The following PAFAH1B1 variants were observed in gnomAD, a reference collection of about 807,000 sequenced individuals.
PAFAH1B1 encodes platelet activating factor acetylhydrolase 1b regulatory subunit 1, also known as platelet-activating factor acetylhydrolase IB subunit beta.
PAFAH1B1 carries 2 observed loss-of-function variants against 57.5 expected under a neutral mutation model. That is an observed-to-expected ratio of 0.03 (90% CI 0.01 to 0.11). The LOEUF (loss-of-function observed/expected upper bound fraction) is 0.11. Among genes scored for constraint, PAFAH1B1 ranks in the 10% least tolerant of loss-of-function variants. PAFAH1B1 has a pLI of 1.00. For missense variants in PAFAH1B1, 257 were observed against 512.0 expected (o/e 0.50, Z 4.81); for synonymous variants, 152 against 169.6 (o/e 0.90, Z 0.81).
chr17:2,645,794 C>T (rs1366609107), intron 2 of PAFAH1B1, among the ~76,000 whole-genome samples: 12 of 151,180 alleles, frequency 7.9e-5, no homozygotes, highest in Non-Finnish European at 1.3e-4. Flanking sequence ...TTAGTAGAGA[C>T]GGGGTTTCAT....
chr17:2,631,617 C>G (rs1224114229), intron 1 of PAFAH1B1, among the ~76,000 whole-genome samples: 1 of 152,148 alleles, frequency 6.6e-6, no homozygotes, highest in Non-Finnish European at 1.5e-5. Flanking sequence ...CCTTCAGCTT[C>G]TCTAGTGGGG....
intron 6 of PAFAH1B1, among the ~76,000 whole-genome samples, chr17:2,671,544 C>G (rs2069181660): frequency 1.5e-5 from 2 of 135,136 alleles, no homozygotes; most frequent in African/African-American, 5.4e-5. Context: ...CTAGCTGTAA[C>G]TTTAAAAAGA....
chr17:2,615,533 C>G (rs578144576), intron 1 of PAFAH1B1, among the ~76,000 whole-genome samples: 2 of 151,956 alleles, frequency 1.3e-5, no homozygotes, highest in African/African-American at 2.4e-5. Context: ...CTCTGCCGCC[C>G]GGGTTCAAGC....
Position 2,657,396 on chromosome 17 carries a change from C to A in PAFAH1B1, c.33-7976C>A, listed in dbSNP as rs534497211. ...AGTAGCTGGGATTACAGGTGTCCAC[C>A]GCCGTGCCCGGCTAATATTGTATTT... On this transcript the variant is annotated intron_variant, in intron 2 of 10. Transcript: ENST00000397195. Among the ~76,000 whole-genome samples, 357 of 152,248 alleles carry A rather than the reference C, an allele frequency of 2.3e-3. 9 individuals are homozygous for A. Among genetic ancestry groups the A allele is most frequent in the Non-Finnish European group, 3.7e-4 (25 of 68,000 alleles).
chr17:2,633,713 A>C (rs893335398), intron 1 of PAFAH1B1, among the ~76,000 whole-genome samples: 1 of 152,160 alleles, frequency 6.6e-6, no homozygotes, highest in Admixed American at 6.6e-5. Flanking sequence ...TGCTGAGTAC[A>C]ACAGACCCAT....
chr17:2,663,399 T>C (rs1036298054), intron 2 of PAFAH1B1, among the ~76,000 whole-genome samples: 1 of 152,072 alleles, frequency 6.6e-6, no homozygotes, highest in Non-Finnish European at 1.5e-5. Context: ...TTGTTTGTTG[T>C]TTTTTTGAGA....
rs550098041 is a variant in PAFAH1B1, at chr17:2,602,089, TACCATGATGCTATA to T, written c.-191+8084_-191+8097del. Among the ~76,000 whole-genome samples the T allele has an allele frequency of 5.3e-3, 810 of 152,272 alleles. 78 individuals are homozygous for T. In the South Asian group the frequency reaches 0.16, roughly 30 times the overall value. ...AGTCACTTAAAAATTTTTACAGTATTACCATGATGCTATAGTCTTTATCATCACAAATCCCAACG... is the reference window on the plus strand; with the variant it reads ...AGTCACTTAAAAATTTTTACAGTATTGTCTTTATCATCACAAATCCCAACG... On this transcript the variant is annotated intron_variant, in intron 1 of 10. Coordinates refer to ENST00000397195, the MANE Select transcript of PAFAH1B1 (RefSeq NM_000430.4).
At chr17:2,594,634 C>T (rs2068064774) in intron 1 of PAFAH1B1, among the ~76,000 whole-genome samples, 1 of 152,244 alleles carries the variant, frequency 6.6e-6, no homozygotes, top group Admixed American at 6.5e-5. Context: ...AGCCTCAGCA[C>T]CCGCCGAGGA....
intron 1 of PAFAH1B1, among the ~76,000 whole-genome samples, chr17:2,637,788 A>AT (rs768561253): frequency 6.6e-6 from 1 of 152,236 alleles, no homozygotes; most frequent in Non-Finnish European, 1.5e-5. Context: ...CTAAGAGAGA[A>AT]TTACATTCGT....
intron 1 of PAFAH1B1, among the ~76,000 whole-genome samples, chr17:2,606,614 C>T (rs1276202824): frequency 6.6e-6 from 1 of 151,902 alleles, no homozygotes; most frequent in East Asian, 1.9e-4. Flanking sequence ...CCTTGGCCTC[C>T]CAAAATGCTG....
intron 1 of PAFAH1B1, among the ~76,000 whole-genome samples, chr17:2,637,209 A>AT (rs776775785): frequency 6.3e-4 from 96 of 152,082 alleles, no homozygotes; most frequent in Non-Finnish European, 1.2e-3. Flanking sequence ...TTGGAGGATG[A>AT]TTTTTTTATT....
chr17:2,634,542 A>G lies in PAFAH1B1; in HGVS notation c.-190-3557A>G, dbSNP rs900377332. ...TCCTGTAAGATATACCCAGTAAACA[A>G]CTTAAATGCATCTCATTTTTTTTAT... is the stretch of plus-strand genomic sequence containing the variant. On this transcript the variant is annotated intron_variant, in intron 1 of 10. Transcript: ENST00000397195. 2.6e-5 allele frequency among the ~76,000 whole-genome samples: 4 copies of G among 152,142 alleles called. No individual in the cohort carries two copies. In the East Asian group the frequency reaches 5.8e-4, roughly 22 times the overall value.
intron 2 of PAFAH1B1, among the ~76,000 whole-genome samples, chr17:2,663,376 T>TTTTTG (rs1212640218): frequency 1.3e-5 from 2 of 151,778 alleles, no homozygotes; most frequent in Non-Finnish European, 2.9e-5. Flanking sequence ...GTTTTGTGGG[T>TTTTTG]TTTTGTTTTG....
At chr17:2,622,492 A>G (rs903412520) in intron 1 of PAFAH1B1, among the ~76,000 whole-genome samples, 1 of 152,152 alleles carries the variant, frequency 6.6e-6, no homozygotes, top group Non-Finnish European at 1.5e-5. Flanking sequence ...TAAAGCTCCA[A>G]AATAATCTCC....
At chr17:2,653,345 A>G (rs993874473) in intron 2 of PAFAH1B1, among the ~76,000 whole-genome samples, 8 of 152,078 alleles carry the variant, frequency 5.3e-5, no homozygotes, top group Non-Finnish European at 1.0e-4. Flanking sequence ...GGTGCAGCAC[A>G]CCAACATGGC....
chr17:2,626,123 A>G (rs1169384626), intron 1 of PAFAH1B1, among the ~76,000 whole-genome samples: 1 of 151,990 alleles, frequency 6.6e-6, no homozygotes, highest in East Asian at 1.9e-4. Flanking sequence ...GCATAGTGGT[A>G]TGCACCTGTA....
At chr17:2,609,058 T>G (rs143245744) in intron 1 of PAFAH1B1, among the ~76,000 whole-genome samples, 2 of 152,336 alleles carry the variant, frequency 1.3e-5, no homozygotes, top group African/African-American at 4.8e-5. Context: ...ACTAGCTGTT[T>G]TACATAAAGT....
At position 2,675,953 on chromosome 17, in the gene PAFAH1B1, A is replaced by G. The variant is rs1182765148; in HGVS notation, c.901-552A>G. On this transcript the variant is annotated intron_variant, in intron 8 of 10. Transcript: ENST00000397195. Reference sequence around the variant, plus strand: ...GTGATTACAGAAATCTTGAAAAGTAAATTTATTATCTGTTGGTTTTATGAA... The same window carrying G: ...GTGATTACAGAAATCTTGAAAAGTAGATTTATTATCTGTTGGTTTTATGAA... Among the ~76,000 whole-genome samples, 4 of 152,236 alleles carry G rather than the reference A, an allele frequency of 2.6e-5. No homozygotes were observed. In the East Asian group the frequency reaches 7.7e-4, roughly 29 times the overall value.
chr17:2,672,190 G>A (rs903920523), intron 6 of PAFAH1B1, among the ~76,000 whole-genome samples: 11 of 150,136 alleles, frequency 7.3e-5, no homozygotes, highest in Non-Finnish European at 1.3e-4. Context: ...AGGCTGAGGC[G>A]GGAAGAGCTC....
Sources: gnomAD v4.1 joint callset for allele counts (sites outside exome capture counted in the v4.1 genomes callset) on GRCh38, gnomAD v4.1.1 for gene constraint, MANE v1.5 for transcripts, NCBI Gene and HGNC (gene_info 2026-07-23, HGNC 2026-07-21) for gene names.